DCDC2C: variants seen among roughly 807,000 people sequenced by gnomAD.
The protein encoded by DCDC2C is doublecortin domain-containing protein 2C.
Under a neutral mutation model 45.0 loss-of-function variants are expected in DCDC2C, and 44 were observed. The observed-to-expected ratio is 0.98, with a 90% CI of 0.77 to 1.26. The LOEUF is 1.26. Among genes scored for constraint, DCDC2C ranks in the 50% most tolerant of loss-of-function variants. DCDC2C has a pLI of 0.00. For synonymous variants in DCDC2C, 187 were observed against 178.8 expected, an observed-to-expected ratio of 1.05 and a Z score of -0.37; for missense variants, 447 against 468.9, an observed-to-expected ratio of 0.95 and a Z score of 0.43.
intron 6 of DCDC2C, 58 bp from the exon 7 acceptor site, chr2:3,767,696 C>T (rs554369392): frequency 1.5e-4 from 237 of 1,534,438 alleles, no homozygotes; most frequent in Non-Finnish European, 1.7e-4. Flanking sequence ...AGAACCTGAT[C>T]GGACTCCTTG....
chr2:3,815,754 C>T (rs886937230), intron 10 of DCDC2C, among the ~76,000 whole-genome samples: 3 of 152,112 alleles, frequency 2.0e-5, no homozygotes, highest in African/African-American at 7.2e-5. Context: ...TCACAAGGTG[C>T]TCAGTGGGGG....
At chr2:3,845,938 T>C (rs909111163) in intron 10 of DCDC2C, among the ~76,000 whole-genome samples, 2 of 152,132 alleles carry the variant, frequency 1.3e-5, no homozygotes, top group African/African-American at 4.8e-5. Context: ...GATAGTAGGA[T>C]CATAGTTTGT....
At chr2:3,752,047 A>T (rs1047595007) in intron 4 of DCDC2C, among the ~76,000 whole-genome samples, 3 of 151,566 alleles carry the variant, frequency 2.0e-5, no homozygotes, top group African/African-American at 7.3e-5. Flanking sequence ...AATCCCACCT[A>T]CCCTGCCGAC....
rs1456682350 is a variant in DCDC2C at position 3,703,844 on chromosome 2, GA to G, written c.95del (p.Lys32SerfsTer69). ...RNGDPFYVGK[K>X]FVLSRRRAAT... ...ACGGGGACCCGTTCTACGTGGGCAA[GA>G]AGTTCGTGCTGTCGCGGCGCCGCGC... On this transcript the variant is annotated frameshift_variant, in exon 1 of 11. Coordinates refer to ENST00000399143, the MANE Select transcript of DCDC2C (RefSeq NM_001287444.2). LOFTEE classifies it high-confidence loss of function. This position sits in a 1 kb window ranked among gnomAD's most constrained non-coding sequence, Gnocchi z 4.4. 2 of 1,278,594 alleles carry G rather than the reference GA, an allele frequency of 1.6e-6. No homozygotes were observed. Among genetic ancestry groups the G allele is most frequent in the Non-Finnish European group, 2.0e-6 (2 of 1,008,084 alleles). 79.2% of individuals were successfully genotyped at this position (1,278,594 alleles called of 1,614,324 possible). A position where few individuals can be genotyped will look rare whatever the true frequency, so the allele number is the denominator to read the frequency against.
At chr2:3,730,940 C>T (rs772830834) in intron 3 of DCDC2C, among the ~76,000 whole-genome samples, 3 of 152,208 alleles carry the variant, frequency 2.0e-5, no homozygotes, top group African/African-American at 4.8e-5. Flanking sequence ...AATTTCCTCT[C>T]GAGTGTCGTC....
chr2:3,830,254 A>T (rs914695779), intron 10 of DCDC2C, among the ~76,000 whole-genome samples: 1 of 151,778 alleles, frequency 6.6e-6, no homozygotes. Flanking sequence ...CAACCTAGCC[A>T]CTTGGTATTT....
At chr2:3,782,342 C>A (rs573226824) in intron 9 of DCDC2C, among the ~76,000 whole-genome samples, 173 of 152,302 alleles carry the variant, frequency 1.1e-3, no homozygotes, top group African/African-American at 3.9e-3. Flanking sequence ...TTGGATGACA[C>A]TTCCTCATCC....
chr2:3,751,351 G>A (rs1204463457), intron 4 of DCDC2C, among the ~76,000 whole-genome samples: 1 of 152,234 alleles, frequency 6.6e-6, no homozygotes, highest in African/African-American at 2.4e-5. Flanking sequence ...CCAGCGGGAG[G>A]AGAACAGAAT....
At chr2:3,777,840 CT>C (rs1386592429) in intron 8 of DCDC2C, among the ~76,000 whole-genome samples, 1 of 152,228 alleles carries the variant, frequency 6.6e-6, no homozygotes, top group Non-Finnish European at 1.5e-5. Context: ...AATGGCAGTT[CT>C]TTTTCTCTGG....
At chr2:3,770,934 T>TGGA (rs1452959017) in intron 8 of DCDC2C, among the ~76,000 whole-genome samples, 3 of 152,212 alleles carry the variant, frequency 2.0e-5, no homozygotes. Context: ...CCACCAGCCG[T>TGGA]GGAGGAGGAG....
intron 2 of DCDC2C, among the ~76,000 whole-genome samples, chr2:3,712,526 C>T (rs927628218): frequency 3.3e-5 from 5 of 151,524 alleles, no homozygotes; most frequent in African/African-American, 1.2e-4. Context: ...CATGGTGGCA[C>T]GTGGGAAGCT....
At chr2:3,771,585 G>T (rs912785635) in intron 8 of DCDC2C, among the ~76,000 whole-genome samples, 19 of 152,224 alleles carry the variant, frequency 1.2e-4, no homozygotes, top group Non-Finnish European at 1.9e-4. Context: ...TTTCTTGCTA[G>T]GACTCTTCAT....
At chr2:3,714,254 A>G (rs1413149211) in intron 2 of DCDC2C, among the ~76,000 whole-genome samples, 1 of 152,240 alleles carries the variant, frequency 6.6e-6, no homozygotes, top group African/African-American at 2.4e-5. Context: ...AATATAATGA[A>G]TTTGAAGTTG....
At chr2:3,833,571 T>G (rs1348925623) in intron 10 of DCDC2C, among the ~76,000 whole-genome samples, 2 of 152,174 alleles carry the variant, frequency 1.3e-5, no homozygotes, top group African/African-American at 4.8e-5. Flanking sequence ...CTTTTAAGCC[T>G]CATTTTATGA....
chr2:3,726,566 T>C (rs1378911497), intron 2 of DCDC2C, among the ~76,000 whole-genome samples: 2 of 152,064 alleles, frequency 1.3e-5, no homozygotes, highest in African/African-American at 2.4e-5. Context: ...GACATTCTGG[T>C]TGGAGTCTTG....
intron 8 of DCDC2C, 101 bp from the exon 9 acceptor site, chr2:3,778,715 T>C (rs1670423283): frequency 5.6e-6 from 6 of 1,078,678 alleles, no homozygotes; most frequent in Admixed American, 2.1e-5. Flanking sequence ...GCTCTACCCA[T>C]AGAAGTGGTC....
intron 8 of DCDC2C, among the ~76,000 whole-genome samples, 188 bp from the exon 9 acceptor site, chr2:3,778,628 A>C (rs192426467): frequency 2.0e-5 from 3 of 152,318 alleles, no homozygotes; most frequent in Admixed American, 2.0e-4. Flanking sequence ...AAGCAGGTTG[A>C]CATTTTCTTG....
At chr2:3,822,403 C>A (rs958184048) in intron 10 of DCDC2C, among the ~76,000 whole-genome samples, 6 of 152,112 alleles carry the variant, frequency 3.9e-5, no homozygotes, top group Non-Finnish European at 8.8e-5. Flanking sequence ...AACTCATTGG[C>A]AAACAATTAT....
At chr2:3,715,092 ATGTAT>A (rs1336699617) in intron 2 of DCDC2C, among the ~76,000 whole-genome samples, 2 of 152,238 alleles carry the variant, frequency 1.3e-5, no homozygotes, top group African/African-American at 4.8e-5. Flanking sequence ...AGCTTTATAA[ATGTAT>A]TTATTTAAAC....
Sources: allele counts gnomAD v4.1 joint callset (sites outside exome capture counted in the v4.1 genomes callset), GRCh38; gene constraint gnomAD v4.1.1; non-coding constraint Gnocchi (gnomAD v3.1); transcripts MANE v1.5; gene names NCBI Gene and HGNC (gene_info 2026-07-23, HGNC 2026-07-21).